The following LSM11 variants were observed in gnomAD, a reference collection of about 807,000 sequenced individuals.
LSM11 encodes the protein LSM11, U7 small nuclear RNA associated, also known as U7 snRNA-associated Sm-like protein LSm11.
A neutral mutation model predicts 28.1 loss-of-function variants in LSM11; 14 were observed. The observed-to-expected ratio is 0.50, with a 90% CI of 0.33 to 0.78. The LOEUF (loss-of-function observed/expected upper bound fraction) is 0.78. LSM11 is among the 30% of genes least tolerant of loss of function. The pLI, the probability that LSM11 is intolerant of heterozygous loss-of-function variation, is 0.02. For missense variants in LSM11, 495 were observed against 510.6 expected, an observed-to-expected ratio of 0.97 and a Z score of 0.30; for synonymous variants, 207 against 214.2, an observed-to-expected ratio of 0.97 and a Z score of 0.30.
rs1017683461 is a variant in LSM11 at position 157,752,036 on chromosome 5, A to G, written c.588+507A>G. 2.0e-5 allele frequency among the ~76,000 whole-genome samples: 3 copies of G among 152,158 alleles called. No individual in the cohort carries two copies. The East Asian group carries it at 5.8e-4, about 29-fold the overall frequency. On this transcript the variant is annotated intron_variant, in intron 2 of 3. Coordinates refer to ENST00000286307, the MANE Select transcript of LSM11 (RefSeq NM_173491.4). ...TAAGAAAAACATTTATTGACTTCCC[A>G]TTTTGGCTGAACCCCATGCTAGGTG...
At position 157,755,140 on chromosome 5, in the gene LSM11, C is replaced by T. The variant is rs962956332; in HGVS notation, c.959C>T (p.Ser320Phe). The change falls in exon 4 of 4, where the codon TCC becomes TTC. Residue 320 changes from serine (S) to phenylalanine (F), a missense_variant. Ser to Phe is a radical substitution (Grantham distance 155). Coordinates refer to ENST00000286307, the MANE Select transcript of LSM11 (RefSeq NM_173491.4). ...ACCTTTTCCAGGGCTACCACCCTTT[C>T]CAGAGGCCAGTCCCGTAAGAAAAAG... Reference protein sequence around the residue: ...GGTFSRATTLSRGQSRKKKRK... With the variant: ...GGTFSRATTLFRGQSRKKKRK... 5 of 1,614,096 alleles carry T rather than the reference C, an allele frequency of 3.1e-6. No homozygotes were observed. Among genetic ancestry groups the T allele is most frequent in the Non-Finnish European group, 4.2e-6 (5 of 1,180,048 alleles).
chr5:157,743,987 C>T lies in LSM11; in HGVS notation c.237C>T (p.Gly79=). ...GGCGCGGGCGCGGGCGGGCTCGGGG[C>T]GCGGCCGCGGGCTCTGGGGTTCCCG... ...GGGRGRGRAR[G]AAAGSGVPAA... Residue 79 remains glycine, a synonymous_variant, in exon 1 of 4, where the codon GGC becomes GGT. Transcript: ENST00000286307. The T allele has an allele frequency of 7.9e-7, 1 of 1,260,610 alleles. No homozygotes were observed. Among genetic ancestry groups the T allele is most frequent in the Non-Finnish European group, 9.9e-7 (1 of 1,006,968 alleles). The allele number at this position is 1,260,610 out of a possible 1,614,324, so 78.1% of individuals were successfully genotyped here.
At position 157,749,125 on chromosome 5, in the gene LSM11, AG is replaced by A. The variant is rs1415778988; in HGVS notation, c.449-2263del. ...TAAATCTTTGGAAGAAAAAAATTAA[AG>A]GTACACGTTTGAGAAAGACCAATTG... is the stretch of plus-strand genomic sequence containing the variant. On this transcript the variant is annotated intron_variant, in intron 1 of 3. Coordinates refer to ENST00000286307, the MANE Select transcript of LSM11 (RefSeq NM_173491.4). Among the ~76,000 whole-genome samples, 12 of 152,340 alleles carry A rather than the reference AG, an allele frequency of 7.9e-5. No individual in the cohort carries two copies. In the East Asian group the frequency reaches 2.3e-3, roughly 29 times the overall value.
intron 1 of LSM11, among the ~76,000 whole-genome samples, chr5:157,749,271 A>G (rs185189001): frequency 3.9e-5 from 6 of 152,296 alleles, no homozygotes; most frequent in African/African-American, 1.2e-4. Context: ...TTTCCAAGTT[A>G]GAAAAAAATA....
In LSM11 at chr5:157,751,684, A is replaced by T. The variant is rs577468196; in HGVS notation, c.588+155A>T. ...CATACTTTTGGGCAACAACAAGAAA[A>T]GGTCTTTTTATTGCTTCCTTCTCCT... is the stretch of plus-strand genomic sequence containing the variant. On this transcript the variant is annotated intron_variant, in intron 2 of 3. Coordinates refer to ENST00000286307, the MANE Select transcript of LSM11 (RefSeq NM_173491.4). Among the ~76,000 whole-genome samples, 100 of 152,356 alleles carry T rather than the reference A, an allele frequency of 6.6e-4. 2 individuals are homozygous for T. The highest frequency in any genetic ancestry group is 2.3e-3 in the African/African-American group (96 of 41,584).
chr5:157,754,824 G>A, intron 3 of LSM11, 30 bp from the exon 4 acceptor site: 1 of 1,585,918 alleles, frequency 6.3e-7, no homozygotes, highest in Non-Finnish European at 8.6e-7. Flanking sequence ...CTAAAGAGAA[G>A]GCTAATATTT....
Position 157,760,382 on chromosome 5 carries a change from T to C in LSM11, c.*5118T>C, listed in dbSNP as rs1314856183. ...ATAGTAAGCCATGTCTTGAAAGTGA[T>C]TTGCTTGTTTCATACTGACATCTAA... On this transcript the variant is annotated 3_prime_UTR_variant, in exon 4 of 4. Coordinates refer to ENST00000286307, the MANE Select transcript of LSM11 (RefSeq NM_173491.4). 1 of 152,236 alleles carries C rather than the reference T, an allele frequency of 6.6e-6. No homozygotes were observed. Among genetic ancestry groups the C allele is most frequent in the Non-Finnish European group, 1.5e-5 (1 of 68,052 alleles). The allele number at this position is 152,236 out of a possible 1,614,324, so 9.4% of individuals were successfully genotyped here.
chr5:157,754,905 A>C lies in LSM11; in HGVS notation c.724A>C (p.Lys242Gln). The C allele has an allele frequency of 6.2e-7, 1 of 1,614,088 alleles. No homozygotes were observed. The highest frequency in any genetic ancestry group is 1.1e-5 in the South Asian group (1 of 91,070). The change falls in exon 4 of 4, where the codon AAG becomes CAG. Residue 242 changes from lysine to glutamine, a missense_variant. Coordinates refer to ENST00000286307, the MANE Select transcript of LSM11 (RefSeq NM_173491.4). ...QDSSKKEADS[K>Q]SAVEDSTLSR... ...TTCCTCCAAGAAGGAAGCAGATTCT[A>C]AGTCTGCAGTTGAAGATTCCACTCT...
At position 157,755,373 on chromosome 5, in the gene LSM11, T is replaced by A; in HGVS notation, c.*109T>A. On this transcript the variant is annotated 3_prime_UTR_variant, in exon 4 of 4. Transcript: ENST00000286307. ...GAGTTGGAATGATTCCCTCTGGTCC[T>A]GCATATGCAGAGGACGGAGCAGGCT... The A allele has an allele frequency of 8.1e-7, 1 of 1,242,074 alleles. No homozygotes were observed. Among genetic ancestry groups the A allele is most frequent in the Non-Finnish European group, 1.1e-6 (1 of 898,422 alleles). 76.9% of individuals were successfully genotyped at this position (1,242,074 alleles called of 1,614,324 possible).
rs11747789 is a variant in LSM11, at chr5:157,758,155, T to A, written c.*2891T>A. 0.063 allele frequency: 9,625 copies of A among 152,350 alleles called. 411 individuals are homozygous for A. The highest frequency in any genetic ancestry group is 0.12 in the Middle Eastern group (34 of 294). The allele number at this position is 152,350 out of a possible 1,614,324, so 9.4% of individuals were successfully genotyped here. A position where few individuals can be genotyped will look rare whatever the true frequency, so the allele number is the denominator to read the frequency against. On this transcript the variant is annotated 3_prime_UTR_variant, in exon 4 of 4. Transcript: ENST00000286307. ...TTTTTTTGAGACAATTTCTCTCTTG[T>A]TGCCTAGGCAGTGCAGTGGCGCGAT...
chr5:157,745,822 C>G (rs546013283), intron 1 of LSM11, among the ~76,000 whole-genome samples: 57 of 152,110 alleles, frequency 3.7e-4, no homozygotes, highest in Non-Finnish European at 6.2e-4. Context: ...GAGAGAAAGG[C>G]ATTGACGTCG....
chr5:157,751,771 A>C (rs1426154689), intron 2 of LSM11, among the ~76,000 whole-genome samples: 1 of 152,148 alleles, frequency 6.6e-6, no homozygotes, highest in Non-Finnish European at 1.5e-5. Context: ...AACATTCATC[A>C]ATGTCTGGGG....
In LSM11 at chr5:157,743,820, C is replaced by A; in HGVS notation, c.70C>A (p.Leu24Met). The stretch of plus-strand genomic sequence containing the variant: ...CCCCGCGCGCCCGCCCAGCCCGCGG[C>A]TGGATGTCAGCTCTGACAGCTTCGA... Reference protein sequence around the residue: ...GSPARPPSPRLDVSSDSFDPL... With the variant: ...GSPARPPSPRMDVSSDSFDPL... Residue 24 changes from leucine (L) to methionine (M), a missense_variant, in exon 1 of 4, where the codon CTG becomes ATG. Leu to Met is a conservative substitution (Grantham distance 15). Coordinates refer to ENST00000286307, the MANE Select transcript of LSM11 (RefSeq NM_173491.4). The A allele has an allele frequency of 1.3e-6, 2 of 1,524,966 alleles. No individual in the cohort carries two copies. The highest frequency in any genetic ancestry group is 2.1e-5 in the Admixed American group (1 of 48,538). The allele number at this position is 1,524,966 out of a possible 1,614,324, so 94.5% of individuals were successfully genotyped here.
chr5:157,754,940 C>T lies in LSM11; in HGVS notation c.759C>T (p.Tyr253=), dbSNP rs1225739259. ...TTGAAGATTCCACTCTGTCTAGATA[C>T]TCACAGACATCCACTTGGAAGTTGG... The part of the protein sequence containing the change: ...SAVEDSTLSR[Y]SQTSTWKLAS... The change falls in exon 4 of 4, where the codon TAC becomes TAT. Residue 253 remains tyrosine, a synonymous_variant. Coordinates refer to ENST00000286307, the MANE Select transcript of LSM11 (RefSeq NM_173491.4). 1 of 1,614,074 alleles carries T rather than the reference C, an allele frequency of 6.2e-7. No homozygotes were observed. Among genetic ancestry groups the T allele is most frequent in the Admixed American group, 1.7e-5 (1 of 60,028 alleles).
chr5:157,753,935 C>A, intron 2 of LSM11, 69 bp from the exon 3 acceptor site: 1 of 1,102,342 alleles, frequency 9.1e-7, no homozygotes, highest in Non-Finnish European at 1.2e-6. Flanking sequence ...TTTTTTTTTC[C>A]CTGAAAAAGC....
Position 157,758,412 on chromosome 5 carries a change from T to A in LSM11, c.*3148T>A, listed in dbSNP as rs1358933480. 1 of 152,204 alleles carries A rather than the reference T, an allele frequency of 6.6e-6. No homozygotes were observed. Among genetic ancestry groups the A allele is most frequent in the Non-Finnish European group, 1.5e-5 (1 of 68,036 alleles). The allele number at this position is 152,204 out of a possible 1,614,324, so 9.4% of individuals were successfully genotyped here. On this transcript the variant is annotated 3_prime_UTR_variant, in exon 4 of 4. Coordinates refer to ENST00000286307, the MANE Select transcript of LSM11 (RefSeq NM_173491.4). Reference sequence around the variant, plus strand: ...TGAGCTATCCCGCCCGGTCCCCTTTTCTTTATTATCGAAGATATTGTTTAA... The same window carrying A: ...TGAGCTATCCCGCCCGGTCCCCTTTACTTTATTATCGAAGATATTGTTTAA...
At chr5:157,746,624 AAGT>A (rs1435575198) in intron 1 of LSM11, among the ~76,000 whole-genome samples, 1 of 152,192 alleles carries the variant, frequency 6.6e-6, no homozygotes, top group African/African-American at 2.4e-5. Context: ...AAAATTTTAA[AAGT>A]AGCCAGGCAC....
chr5:157,744,331 G>C, intron 1 of LSM11, 133 bp downstream of exon 1: 1 of 645,662 alleles, frequency 1.5e-6, no homozygotes, highest in Non-Finnish European at 2.2e-6. Context: ...GAAAATTTGC[G>C]GGGATCATCA....
In LSM11 at chr5:157,743,737, C is replaced by A; in HGVS notation, c.-14C>A. 1.5e-6 allele frequency: 2 copies of A among 1,345,920 alleles called. No individual in the cohort carries two copies. The highest frequency in any genetic ancestry group is 1.9e-6 in the Non-Finnish European group (2 of 1,048,750). The allele number at this position is 1,345,920 out of a possible 1,614,324, so 83.4% of individuals were successfully genotyped here. A position where few individuals can be genotyped will look rare whatever the true frequency, so the allele number is the denominator to read the frequency against. On this transcript the variant is annotated 5_prime_UTR_variant, in exon 1 of 4. Transcript: ENST00000286307. ...CCTTCTTCCCATCGGCCTCGGCTTG[C>A]GGGCCTTTCAAACATGGAGGAGCGG...
Sources: gnomAD v4.1 joint callset for allele counts (sites outside exome capture counted in the v4.1 genomes callset) on GRCh38, gnomAD v4.1.1 for gene constraint, MANE v1.5 for transcripts, NCBI Gene and HGNC (gene_info 2026-07-23, HGNC 2026-07-21) for gene names.